Variants in IL19 observed in about 807,000 individuals in gnomAD.
The protein encoded by IL19 is interleukin 19, also known as interleukin-19.
In IL19, 15 loss-of-function variants were observed where a neutral mutation model predicts 19.5. The observed-to-expected ratio is 0.77, with a 90% CI of 0.52 to 1.19. The LOEUF (loss-of-function observed/expected upper bound fraction) is 1.19. IL19 is among the 50% of genes most tolerant of loss of function. The pLI, the probability that IL19 is intolerant of heterozygous loss-of-function variation, is 0.00. For missense variants in IL19, 199 were observed against 213.1 expected, an observed-to-expected ratio of 0.93 and a Z score of 0.41; for synonymous variants, 78 against 78.3, an observed-to-expected ratio of 1.00 and a Z score of 0.02.
At chr1:206,786,825 C>T (rs765723996) in intron 1 of IL19, among the ~76,000 whole-genome samples, 1 of 152,192 alleles carries the variant, frequency 6.6e-6, no homozygotes, top group Non-Finnish European at 1.5e-5. Context: ...GCTGTAGTTA[C>T]TGCCATCAAC....
In IL19 at chr1:206,770,945, C is replaced by G; in HGVS notation, c.-282C>G. 6.2e-7 allele frequency: 1 copy of G among 1,614,126 alleles called. No homozygotes were observed. Among genetic ancestry groups the G allele is most frequent in the Non-Finnish European group, 8.5e-7 (1 of 1,179,988 alleles). On this transcript the variant is annotated 5_prime_UTR_variant, in exon 1 of 7. Coordinates refer to ENST00000659997, the MANE Select transcript of IL19 (RefSeq NM_153758.5). Reference sequence around the variant, plus strand: ...CTCAGCCTGAGGGTCTTCAGGTTCTCCCCCAGGGAGTTCACATGCGCCTTG... The same window carrying G: ...CTCAGCCTGAGGGTCTTCAGGTTCTGCCCCAGGGAGTTCACATGCGCCTTG...
chr1:206,821,755 A>C (rs1389754048), intron 2 of IL19, among the ~76,000 whole-genome samples: 1 of 152,250 alleles, frequency 6.6e-6, no homozygotes, highest in Non-Finnish European at 1.5e-5. Flanking sequence ...AAGTGAGTTC[A>C]GGGACAGAGT....
chr1:206,784,800 T>C (rs1033050826), intron 1 of IL19, among the ~76,000 whole-genome samples: 3 of 152,246 alleles, frequency 2.0e-5, no homozygotes, highest in Non-Finnish European at 4.4e-5. Flanking sequence ...GAACTTTGCG[T>C]TCTCAAGCAA....
intron 2 of IL19, among the ~76,000 whole-genome samples, chr1:206,816,226 G>T (rs1429337699): frequency 6.6e-6 from 1 of 152,092 alleles, no homozygotes; most frequent in Non-Finnish European, 1.5e-5. Flanking sequence ...CTGAATATAT[G>T]CAAAGAAATA....
At chr1:206,826,973 A>C (rs1050378015) in intron 2 of IL19, among the ~76,000 whole-genome samples, 5 of 152,214 alleles carry the variant, frequency 3.3e-5, no homozygotes, top group African/African-American at 1.2e-4. Context: ...TGACGAAGGA[A>C]ACAGAAAGTT....
intron 1 of IL19, among the ~76,000 whole-genome samples, chr1:206,780,016 G>A (rs1396887499): frequency 6.6e-6 from 1 of 151,432 alleles, no homozygotes; most frequent in African/African-American, 2.4e-5. Context: ...CCTATCACAG[G>A]GCCTTTGCAC....
At position 206,832,461 on chromosome 1, in the gene IL19, G is replaced by A. The variant is rs527254503; in HGVS notation, c.-2-4200G>A. 4.9e-4 allele frequency among the ~76,000 whole-genome samples: 75 copies of A among 152,296 alleles called. 2 individuals carry two copies. The South Asian group carries it at 0.015, about 30-fold the overall frequency. ...CATTCCCATAGAAGGCAATAGGCAT[G>A]GTAACCTTTCTGAGCAAGGCAGAGA... On this transcript the variant is annotated intron_variant, in intron 2 of 6. Transcript: ENST00000659997.
chr1:206,819,157 C>T (rs1362283065), intron 2 of IL19, among the ~76,000 whole-genome samples: 1 of 151,972 alleles, frequency 6.6e-6, no homozygotes, highest in Non-Finnish European at 1.5e-5. Context: ...CTTGGGCTGG[C>T]CTCAAACTCC....
intron 2 of IL19, among the ~76,000 whole-genome samples, chr1:206,802,774 T>C (rs17581834): frequency 0.041 from 6,312 of 152,260 alleles, 171 homozygotes; most frequent in Middle Eastern, 0.065. Context: ...CCTGTCTTCT[T>C]GCTCTGTCCT....
At chr1:206,781,861 GTATATAGTTA>G (rs1458481459) in intron 1 of IL19, among the ~76,000 whole-genome samples, 1 of 126,880 alleles carries the variant, frequency 7.9e-6, no homozygotes, top group South Asian at 2.3e-4. Context: ...ACATATATAT[GTATATAGTTA>G]TATATACATA....
chr1:206,795,927 A>ATATGTGTGTGTGTGTGTG (rs1553439245), intron 1 of IL19, among the ~76,000 whole-genome samples: 22 of 133,628 alleles, frequency 1.6e-4, no homozygotes, highest in African/African-American at 4.9e-4. Context: ...AAATATATAT[A>ATATGTGTGTGTGTGTGTG]TGTGTGTGTG....
intron 2 of IL19, among the ~76,000 whole-genome samples, chr1:206,818,899 G>A (rs1282712859): frequency 6.8e-6 from 1 of 148,034 alleles, no homozygotes; most frequent in Admixed American, 6.8e-5. Flanking sequence ...TGCAACCTCC[G>A]CCTCCCAGGT....
chr1:206,786,146 C>T (rs768163885), intron 1 of IL19, among the ~76,000 whole-genome samples: 3 of 152,094 alleles, frequency 2.0e-5, no homozygotes, highest in Non-Finnish European at 2.9e-5. Context: ...CCTATCATAT[C>T]TGTAAGATGG....
At chr1:206,821,262 G>A (rs1676283752) in intron 2 of IL19, among the ~76,000 whole-genome samples, 1 of 152,200 alleles carries the variant, frequency 6.6e-6, no homozygotes, top group African/African-American at 2.4e-5. Flanking sequence ...CGAAATACCA[G>A]ATTAGCAACA....
intron 1 of IL19, among the ~76,000 whole-genome samples, chr1:206,782,924 C>A (rs761626416): frequency 1.6e-4 from 25 of 152,300 alleles, no homozygotes; most frequent in Admixed American, 9.8e-4. Flanking sequence ...AACTCTTGTG[C>A]TTTCTCAGTT....
At chr1:206,831,437 T>C (rs1676607491) in intron 2 of IL19, among the ~76,000 whole-genome samples, 1 of 152,198 alleles carries the variant, frequency 6.6e-6, no homozygotes, top group Non-Finnish European at 1.5e-5. Flanking sequence ...TGAATTGCAA[T>C]CCTGGGAAAG....
At position 206,841,045 on chromosome 1, in the gene IL19, T is replaced by C. The variant is rs774926422; in HGVS notation, c.405T>C (p.Asn135=). The C allele has an allele frequency of 3.1e-6, 5 of 1,614,088 alleles. No homozygotes were observed. The East Asian group carries it at 8.9e-5, about 29-fold the overall frequency. The change falls in exon 6 of 7, where the codon AAT becomes AAC. Residue 135 remains asparagine (N), a synonymous_variant. Coordinates refer to ENST00000659997, the MANE Select transcript of IL19 (RefSeq NM_153758.5). ...RQCHCRQEAT[N]ATRVIHDNYD... ...GTCACTGCAGGCAGGAAGCCACCAA[T>C]GCCACCAGAGTCATCCATGACAACT...
chr1:206,777,087 T>C (rs1025592454), intron 1 of IL19, among the ~76,000 whole-genome samples: 10 of 151,460 alleles, frequency 6.6e-5, no homozygotes, highest in Admixed American at 1.3e-4. Context: ...AAAAATTAGC[T>C]GGGCGTGGTG....
intron 1 of IL19, among the ~76,000 whole-genome samples, chr1:206,783,441 TG>T (rs1675193026): frequency 6.6e-6 from 1 of 152,222 alleles, no homozygotes; most frequent in Admixed American, 6.5e-5. Flanking sequence ...GTTTGTACCT[TG>T]GCTTTTGGGT....
Sources: gnomAD v4.1 joint callset for allele counts (sites outside exome capture counted in the v4.1 genomes callset) on GRCh38, gnomAD v4.1.1 for gene constraint, MANE v1.5 for transcripts, NCBI Gene and HGNC (gene_info 2026-07-23, HGNC 2026-07-21) for gene names.